The following NCAM2 variants were observed in gnomAD, a reference collection of about 807,000 sequenced individuals.
NCAM2 encodes neural cell adhesion molecule 2.
Under a neutral mutation model 98.1 loss-of-function variants are expected in NCAM2, and 30 were observed. The observed-to-expected ratio is 0.31, with a 90% confidence interval of 0.23 to 0.41. The LOEUF (loss-of-function observed/expected upper bound fraction) is 0.41. Ranked by LOEUF, NCAM2 falls within the 10% of genes least tolerant of loss-of-function variation. NCAM2 has a pLI of 1.00. For missense variants in NCAM2, 867 were observed against 1,005.8 expected (o/e 0.86, Z 1.87); for synonymous variants, 368 against 342.4 (o/e 1.07, Z -0.83).
chr21:21,402,330 C>T (rs1426528643), intron 9 of NCAM2, among the ~76,000 whole-genome samples: 1 of 152,068 alleles, frequency 6.6e-6, no homozygotes, highest in Non-Finnish European at 1.5e-5. Context: ...TAAACGGCCA[C>T]TCTGTGAGTG....
rs992769300 is a variant in NCAM2, at chr21:21,136,146, A to G, written c.55+137528A>G. Among the ~76,000 whole-genome samples the G allele has an allele frequency of 3.3e-5, 5 of 152,176 alleles. No individual in the cohort carries two copies. In the South Asian group the frequency reaches 6.2e-4, roughly 19 times the overall value. ...ACCCAGACTATTTGAACAGACACTTATCTGCAACATTAGGGGTCACTCTGG... is the reference window on the plus strand; with the variant it reads ...ACCCAGACTATTTGAACAGACACTTGTCTGCAACATTAGGGGTCACTCTGG... On this transcript the variant is annotated intron_variant, in intron 1 of 17. Coordinates refer to ENST00000400546, the MANE Select transcript of NCAM2 (RefSeq NM_004540.5).
At chr21:21,449,500 T>C (rs1228532167) in intron 12 of NCAM2, among the ~76,000 whole-genome samples, 2 of 152,046 alleles carry the variant, frequency 1.3e-5, no homozygotes, top group Admixed American at 1.3e-4. Flanking sequence ...GAAGAATTCT[T>C]GTGGGCTCTC....
intron 14 of NCAM2, 97 bp from the exon 15 acceptor site, chr21:21,477,194 A>G: frequency 1.1e-6 from 1 of 900,872 alleles, no homozygotes; most frequent in Non-Finnish European, 1.6e-6. Context: ...CCAATATCCA[A>G]TATAAGTATA....
intron 1 of NCAM2, among the ~76,000 whole-genome samples, chr21:21,140,288 T>G (rs985398): frequency 0.42 from 64,479 of 151,906 alleles, 14,222 homozygotes; most frequent in African/African-American, 0.55. Flanking sequence ...TAAAGACAAA[T>G]AATTGCATCC....
chr21:21,120,315 C>A (rs1315029249), intron 1 of NCAM2, among the ~76,000 whole-genome samples: 1 of 151,978 alleles, frequency 6.6e-6, no homozygotes, highest in East Asian at 1.9e-4. Context: ...CAAGATGATT[C>A]CACTTAACTG....
chr21:21,236,207 G>A (rs976678870), intron 1 of NCAM2, among the ~76,000 whole-genome samples: 2 of 151,922 alleles, frequency 1.3e-5, no homozygotes, highest in African/African-American at 4.8e-5. Context: ...GAAATCCCAA[G>A]ATGTTATCTC....
At chr21:21,013,248 A>G (rs2146146993) in intron 1 of NCAM2, among the ~76,000 whole-genome samples, 1 of 152,368 alleles carries the variant, frequency 6.6e-6, no homozygotes, top group African/African-American at 2.4e-5. Flanking sequence ...ACAATTACTG[A>G]AGGAAATTAA....
chr21:21,466,487 C>A, intron 12 of NCAM2, 119 bp from the exon 13 acceptor site: 1 of 707,718 alleles, frequency 1.4e-6, no homozygotes. Flanking sequence ...GGAAAGATTT[C>A]AGTGAAATTA....
At chr21:21,251,079 A>T (rs995533402) in intron 1 of NCAM2, among the ~76,000 whole-genome samples, 1 of 151,914 alleles carries the variant, frequency 6.6e-6, no homozygotes, top group East Asian at 1.9e-4. Flanking sequence ...ATGTGTCGTG[A>T]TTTTTTTTCC....
intron 9 of NCAM2, among the ~76,000 whole-genome samples, chr21:21,376,519 G>A (rs2076035577): frequency 6.6e-6 from 1 of 151,758 alleles, no homozygotes; most frequent in Admixed American, 6.6e-5. Flanking sequence ...AATGTAAAAT[G>A]CTAATACATA....
chr21:21,055,040 T>C (rs564923713), intron 1 of NCAM2, among the ~76,000 whole-genome samples: 8 of 152,138 alleles, frequency 5.3e-5, no homozygotes, highest in Admixed American at 6.5e-5. Context: ...CTTAAAAATA[T>C]TAGCTACAAG....
At chr21:21,022,176 ATAAAAG>A (rs2064451783) in intron 1 of NCAM2, among the ~76,000 whole-genome samples, 2 of 152,190 alleles carry the variant, frequency 1.3e-5, no homozygotes, top group South Asian at 4.1e-4. Flanking sequence ...TTAGTTGAAA[ATAAAAG>A]TAAAATAAGT....
chr21:20,999,666 T>A (rs887769611), intron 1 of NCAM2, among the ~76,000 whole-genome samples: 1 of 152,222 alleles, frequency 6.6e-6, no homozygotes, highest in Non-Finnish European at 1.5e-5. Flanking sequence ...ATTGGTTTTT[T>A]AAAATAATAT....
intron 1 of NCAM2, among the ~76,000 whole-genome samples, chr21:21,071,653 G>A (rs1041407856): frequency 2.0e-5 from 3 of 152,036 alleles, no homozygotes; most frequent in South Asian, 4.1e-4. Context: ...TATGCCATCC[G>A]TCATAATATT....
At chr21:21,347,883 G>C (rs548515781) in intron 8 of NCAM2, among the ~76,000 whole-genome samples, 1 of 152,004 alleles carries the variant, frequency 6.6e-6, no homozygotes, top group East Asian at 1.9e-4. Context: ...TTCATTTGAT[G>C]CTGAAAGAGC....
rs966099222 is a variant in NCAM2 at position 21,106,821 on chromosome 21, G to A, written c.55+108203G>A. On this transcript the variant is annotated intron_variant, in intron 1 of 17. Coordinates refer to ENST00000400546, the MANE Select transcript of NCAM2 (RefSeq NM_004540.5). ...TTCTATGGTTTTCAAATAAACCATA[G>A]GCTAGTCACAAATGTTTTAAAAATT... Among the ~76,000 whole-genome samples, 23 of 152,114 alleles carry A rather than the reference G, an allele frequency of 1.5e-4. 1 individual carries two copies. Among genetic ancestry groups the A allele is most frequent in the African/African-American group, 5.5e-4 (23 of 41,554 alleles).
At chr21:21,025,282 T>A (rs978018545) in intron 1 of NCAM2, among the ~76,000 whole-genome samples, 1 of 152,098 alleles carries the variant, frequency 6.6e-6, no homozygotes, top group Non-Finnish European at 1.5e-5. Flanking sequence ...AGACGGGGTT[T>A]CACCGTGTTA....
At chr21:21,438,929 G>C (rs541578960) in intron 12 of NCAM2, among the ~76,000 whole-genome samples, 4 of 151,980 alleles carry the variant, frequency 2.6e-5, no homozygotes, top group Admixed American at 6.5e-5. Context: ...TAAAAAAATT[G>C]TTTTTTATTA....
At chr21:21,185,244 C>T (rs960100075) in intron 1 of NCAM2, among the ~76,000 whole-genome samples, 1 of 152,060 alleles carries the variant, frequency 6.6e-6, no homozygotes, top group African/African-American at 2.4e-5. Context: ...GTCTAAAAAT[C>T]ACGTTCATCC....
Sources: allele counts gnomAD v4.1 joint callset (sites outside exome capture counted in the v4.1 genomes callset), GRCh38; gene constraint gnomAD v4.1.1; transcripts MANE v1.5; gene names NCBI Gene and HGNC (gene_info 2026-07-23, HGNC 2026-07-21).